The following TMCO5A variants were observed in gnomAD, a reference collection of about 807,000 sequenced individuals.
TMCO5A encodes the protein transmembrane and coiled-coil domains 5A, also known as transmembrane and coiled-coil domain-containing protein 5A.
A neutral mutation model predicts 42.3 loss-of-function variants in TMCO5A; 34 were observed. The ratio of observed to expected loss-of-function variants is 0.80; its 90% CI spans 0.61 to 1.07. TMCO5A has a LOEUF of 1.07. TMCO5A is among the 50% of genes least tolerant of loss of function. TMCO5A has a pLI of 0.00. For synonymous variants in TMCO5A, 131 were observed against 115.6 expected, an observed-to-expected ratio of 1.13 and a Z score of -0.86; for missense variants, 357 against 327.9, an observed-to-expected ratio of 1.09 and a Z score of -0.69.
At chr15:37,939,290 A>G (rs1274643633) in intron 6 of TMCO5A, among the ~76,000 whole-genome samples, 1 of 152,128 alleles carries the variant, frequency 6.6e-6, no homozygotes, top group Non-Finnish European at 1.5e-5. Context: ...TCTGCTGGCC[A>G]ATTTAGTTTT....
chr15:38,013,909 A>T, the TMCO5A span, among the ~76,000 whole-genome samples: 1 of 152,128 alleles, frequency 6.6e-6, no homozygotes, highest in Non-Finnish European at 1.5e-5. Context: ...CTAGGGAAGA[A>T]TCTGTTTCTA....
chr15:37,936,201 C>T (rs1225547410), intron 2 of TMCO5A, 113 bp from the exon 3 acceptor site: 2 of 1,229,908 alleles, frequency 1.6e-6, no homozygotes, highest in Non-Finnish European at 2.2e-6. Context: ...ATGGTATGCC[C>T]CCAGAGAGAG....
intron 6 of TMCO5A, among the ~76,000 whole-genome samples, chr15:37,939,889 A>G (rs1409362231): frequency 2.6e-5 from 4 of 152,050 alleles, no homozygotes; most frequent in African/African-American, 4.8e-5. Flanking sequence ...AGAGTGAACC[A>G]ACTCTCAGAA....
the TMCO5A span, among the ~76,000 whole-genome samples, chr15:38,008,747 G>T: frequency 5.9e-5 from 9 of 152,276 alleles, no homozygotes; most frequent in Non-Finnish European, 1.2e-4. Flanking sequence ...TCTGAAGTGA[G>T]GCATGTCAGA....
chr15:37,941,025 C>G (rs1889718096), intron 6 of TMCO5A, 124 bp from the exon 7 acceptor site: 1 of 787,838 alleles, frequency 1.3e-6, no homozygotes, highest in South Asian at 1.7e-5. Flanking sequence ...ATTCCTCTAT[C>G]AGGAGACGTG....
At chr15:38,002,978 G>C in the TMCO5A span, among the ~76,000 whole-genome samples, 1 of 152,134 alleles carries the variant, frequency 6.6e-6, no homozygotes, top group South Asian at 2.1e-4. Flanking sequence ...GTCTGAGCTT[G>C]TTTGTGCCCA....
the TMCO5A span, among the ~76,000 whole-genome samples, chr15:37,997,827 AAC>A: frequency 6.6e-6 from 1 of 152,218 alleles, no homozygotes; most frequent in African/African-American, 2.4e-5. Context: ...CATTCACACC[AAC>A]AGTGTACCAT....
intron 11 of TMCO5A, among the ~76,000 whole-genome samples, chr15:37,957,158 G>A (rs558022439): frequency 1.3e-5 from 2 of 152,204 alleles, no homozygotes; most frequent in African/African-American, 2.4e-5. Flanking sequence ...AAAACTGGAG[G>A]CATTCCCTTT....
At chr15:37,941,879 C>T (rs940362877) in intron 8 of TMCO5A, 149 bp downstream of exon 8, 22 of 682,246 alleles carry the variant, frequency 3.2e-5, no homozygotes, top group African/African-American at 2.1e-4. Context: ...CACCCCACCT[C>T]ACTATCAATA....
the TMCO5A span, among the ~76,000 whole-genome samples, chr15:38,003,582 A>G: frequency 1.3e-5 from 2 of 151,838 alleles, no homozygotes; most frequent in Non-Finnish European, 1.5e-5. Flanking sequence ...GCTTTATTCT[A>G]CTACTGCTGG....
chr15:37,941,907 G>A (rs1021626358), intron 8 of TMCO5A, among the ~76,000 whole-genome samples, 177 bp downstream of exon 8: 5 of 152,064 alleles, frequency 3.3e-5, no homozygotes, highest in Admixed American at 2.0e-4. Flanking sequence ...ATTTGTCTTT[G>A]TCTCCCTGGG....
chr15:37,949,236 A>G (rs986076729), intron 11 of TMCO5A, among the ~76,000 whole-genome samples: 5 of 152,198 alleles, frequency 3.3e-5, no homozygotes, highest in Non-Finnish European at 5.9e-5. Context: ...TAACATAATC[A>G]TGGATAGAAA....
chr15:37,968,828 A>G (rs1447237252), downstream of TMCO5A, among the ~76,000 whole-genome samples: 1 of 151,706 alleles, frequency 6.6e-6, no homozygotes, highest in Non-Finnish European at 1.5e-5. Context: ...TGATCTGCCC[A>G]CCTCAGCCTC....
chr15:37,999,003 T>A, the TMCO5A span, among the ~76,000 whole-genome samples: 26 of 152,098 alleles, frequency 1.7e-4, no homozygotes, highest in African/African-American at 5.6e-4. Context: ...ACCTCCCAGG[T>A]TCAAGCGATT....
At chr15:37,939,365 T>C (rs1938260350) in intron 6 of TMCO5A, among the ~76,000 whole-genome samples, 1 of 152,118 alleles carries the variant, frequency 6.6e-6, no homozygotes, top group Non-Finnish European at 1.5e-5. Flanking sequence ...CTAATTCAGG[T>C]AAGTTATCTG....
intron 1 of TMCO5A, among the ~76,000 whole-genome samples, 190 bp downstream of exon 1, chr15:37,934,884 C>G (rs545203326): frequency 5.9e-5 from 9 of 152,224 alleles, no homozygotes; most frequent in African/African-American, 2.2e-4. Flanking sequence ...ACATCCATGC[C>G]CATGGGGCTT....
rs539871495 is a variant in TMCO5A at position 37,942,316 on chromosome 15, A to C, written c.569+61A>C. The C allele has an allele frequency of 2.9e-5, 44 of 1,527,668 alleles. No homozygotes were observed. The African/African-American group carries it at 5.8e-4, about 20-fold the overall frequency. 94.6% of individuals were successfully genotyped at this position (1,527,668 alleles called of 1,614,324 possible). ...GAAACTCCATCTCAGCCTGAGTCAG[A>C]GCAAACAGTTCTCAGACCAATTTCT... On this transcript the variant is annotated intron_variant, in intron 9 of 11. Coordinates refer to ENST00000319669, the MANE Select transcript of TMCO5A (RefSeq NM_152453.4).
At chr15:38,035,421 C>A in the TMCO5A span, among the ~76,000 whole-genome samples, 1 of 152,180 alleles carries the variant, frequency 6.6e-6, no homozygotes, top group Non-Finnish European at 1.5e-5. Context: ...CCAAACCAAT[C>A]TTTTCCTCCC....
downstream of TMCO5A, among the ~76,000 whole-genome samples, chr15:37,955,072 T>G (rs1890252043): frequency 6.6e-6 from 1 of 151,742 alleles, no homozygotes; most frequent in African/African-American, 2.4e-5. Context: ...AACAACAAAA[T>G]GGCAGAAGTA....
Sources: gnomAD v4.1 joint callset for allele counts (sites outside exome capture counted in the v4.1 genomes callset) on GRCh38, gnomAD v4.1.1 for gene constraint, MANE v1.5 for transcripts, NCBI Gene and HGNC (gene_info 2026-07-23, HGNC 2026-07-21) for gene names.